The following ANKRD36B variants were observed in gnomAD, a reference collection of about 807,000 sequenced individuals.
The protein encoded by ANKRD36B is ankyrin repeat domain 36B, also known as ankyrin repeat domain-containing protein 36B.
Under a neutral mutation model 135.7 loss-of-function variants are expected in ANKRD36B, and 37 were observed. That is an observed-to-expected ratio of 0.27 (90% confidence interval 0.21 to 0.36). ANKRD36B has a LOEUF of 0.36. ANKRD36B is among the 10% of genes least tolerant of loss of function. The pLI is 1.00. For synonymous variants in ANKRD36B, 179 were observed against 348.1 expected, an observed-to-expected ratio of 0.51 and a Z score of 5.41; for missense variants, 549 against 1,037.1, an observed-to-expected ratio of 0.53 and a Z score of 6.46.
intron 35 of ANKRD36B, among the ~76,000 whole-genome samples, chr2:97,526,182 G>C: frequency 1.0e-5 from 1 of 96,526 alleles, no homozygotes; most frequent in South Asian, 2.3e-4. Context: ...ACCTCACATG[G>C]CTGGGTACTC....
intron 20 of ANKRD36B, 97 bp from the exon 21 acceptor site, chr2:97,547,828 C>T (rs2079623688): frequency 6.7e-7 from 1 of 1,488,698 alleles, no homozygotes; most frequent in African/African-American, 1.4e-5. Context: ...GTCTTCCTGC[C>T]TGTATTAGCA....
intron 6 of ANKRD36B, among the ~76,000 whole-genome samples, chr2:97,574,760 C>G (rs1395067248): frequency 6.6e-6 from 1 of 152,114 alleles, no homozygotes; most frequent in Non-Finnish European, 1.5e-5. Context: ...GATTTCAGTA[C>G]AAACTAAGTA....
rs552546328 is a variant in ANKRD36B at position 97,529,682 on chromosome 2, A to G, written c.2265+2629T>C. ...ATTGTCTCAGCCCAAAATCTCCTTAAGCTGATCAGCAACTTCAGCAAAGTC... is the reference window on the plus strand; with the variant it reads ...ATTGTCTCAGCCCAAAATCTCCTTAGGCTGATCAGCAACTTCAGCAAAGTC... On this transcript the variant is annotated intron_variant, in intron 35 of 43. Transcript: ENST00000359901. 4.5e-4 allele frequency among the ~76,000 whole-genome samples: 43 copies of G among 96,416 alleles called. 17 individuals are homozygous for G. Among genetic ancestry groups the G allele is most frequent in the Non-Finnish European group, 9.1e-4 (33 of 36,086 alleles). 63.3% of individuals were successfully genotyped at this position (96,416 alleles called of 152,430 possible). A position where few individuals can be genotyped will look rare whatever the true frequency, so the allele number is the denominator to read the frequency against.
At chr2:97,580,662 T>C (rs1376584329) in intron 3 of ANKRD36B, 94 bp from the exon 4 acceptor site, 4 of 1,200,434 alleles carry the variant, frequency 3.3e-6, no homozygotes, top group Admixed American at 2.6e-5. Context: ...CTTCAATATA[T>C]ACAATTGAAA....
chr2:97,565,555 A>G (rs1271084415), intron 6 of ANKRD36B, among the ~76,000 whole-genome samples: 1 of 151,926 alleles, frequency 6.6e-6, no homozygotes, highest in Non-Finnish European at 1.5e-5. Context: ...ATGAACAGAC[A>G]CTTCTCAAAA....
At position 97,547,773 on chromosome 2, in the gene ANKRD36B, T is replaced by A. The variant is rs770403793; in HGVS notation, c.1478-42A>T. Reference sequence around the variant, plus strand: ...ATTCATAATCACTCATATGTAAAAATGACAAAATTATCCACACATTCACGC... The same window carrying A: ...ATTCATAATCACTCATATGTAAAAAAGACAAAATTATCCACACATTCACGC... On this transcript the variant is annotated intron_variant, in intron 20 of 43. Coordinates refer to ENST00000359901, the MANE Select transcript of ANKRD36B (RefSeq NM_001393939.1). 96 of 1,542,040 alleles carry A rather than the reference T, an allele frequency of 6.2e-5. No homozygotes were observed. In the East Asian group the frequency reaches 2.3e-3, roughly 37 times the overall value.
At chr2:97,574,233 T>A (rs1227997956) in intron 6 of ANKRD36B, among the ~76,000 whole-genome samples, 1 of 152,044 alleles carries the variant, frequency 6.6e-6, no homozygotes, top group Non-Finnish European at 1.5e-5. Context: ...GCAAAGGATA[T>A]GAACAGACAC....
At chr2:97,559,952 A>G (rs2080872897) in intron 8 of ANKRD36B, among the ~76,000 whole-genome samples, 2 of 151,934 alleles carry the variant, frequency 1.3e-5, no homozygotes, top group Admixed American at 1.3e-4. Context: ...TCTCATTTTT[A>G]TAAGTAAAGT....
At chr2:97,496,819 GTA>G (rs374258635) in intron 43 of ANKRD36B, among the ~76,000 whole-genome samples, 1 of 65,480 alleles carries the variant, frequency 1.5e-5, no homozygotes, top group African/African-American at 6.3e-5. Flanking sequence ...GTGTGTGTAT[GTA>G]TATATGTGTG....
At chr2:97,571,059 T>G (rs2081818495) in intron 6 of ANKRD36B, among the ~76,000 whole-genome samples, 1 of 152,192 alleles carries the variant, frequency 6.6e-6, no homozygotes, top group Non-Finnish European at 1.5e-5. Context: ...CAATCCTATT[T>G]TAACCAGAAT....
At chr2:97,563,574 T>C (rs144192093) in intron 6 of ANKRD36B, among the ~76,000 whole-genome samples, 36 of 152,094 alleles carry the variant, frequency 2.4e-4, no homozygotes, top group African/African-American at 8.2e-4. Context: ...TAAATTGTGA[T>C]CTGAGTAGTT....
chr2:97,550,081 A>G (rs2079900596), intron 18 of ANKRD36B, among the ~76,000 whole-genome samples: 1 of 151,524 alleles, frequency 6.6e-6, no homozygotes, highest in Non-Finnish European at 1.5e-5. Context: ...ACACAATTGC[A>G]ATGATACTTC....
intron 6 of ANKRD36B, among the ~76,000 whole-genome samples, chr2:97,571,848 C>A (rs573218511): frequency 4.0e-4 from 61 of 152,122 alleles, no homozygotes; most frequent in South Asian, 6.2e-4. Context: ...TGTTAAGGGC[C>A]GTTCTTCATA....
Position 97,551,339 on chromosome 2 carries a change from G to C in ANKRD36B, c.1325C>G (p.Ser442Cys). The change falls in exon 18 of 44, where the codon TCT (serine) becomes TGT (cysteine). Residue 442 changes from serine to cysteine, a missense_variant. Coordinates refer to ENST00000359901, the MANE Select transcript of ANKRD36B (RefSeq NM_001393939.1). ...TTTTTCTCTGGTTATATTCGAAAAA[G>C]AATCTTTCTCATCACTTGTGGCCTG... Reference protein sequence around the residue: ...ALKATSDEKDSFSNITREKKD... With the variant: ...ALKATSDEKDCFSNITREKKD... 6.3e-7 allele frequency: 1 copy of C among 1,588,740 alleles called. No homozygotes were observed. The highest frequency in any genetic ancestry group is 8.5e-7 in the Non-Finnish European group (1 of 1,170,276).
chr2:97,569,952 CAG>C (rs1288794660), intron 6 of ANKRD36B, among the ~76,000 whole-genome samples: 1 of 151,882 alleles, frequency 6.6e-6, no homozygotes, highest in East Asian at 1.9e-4. Context: ...TAATTATAAA[CAG>C]AAATTTAACA....
rs1463869203 is a variant in ANKRD36B, at chr2:97,589,785, C to T, written c.-100G>A. The stretch of plus-strand genomic sequence containing the variant: ...AGCTCGCCTTCGGGGATCGCCGCCT[C>T]CGAAGAGCAACAACAGGCAAAGCAG... On this transcript the variant is annotated 5_prime_UTR_variant, in exon 1 of 44. Coordinates refer to ENST00000359901, the MANE Select transcript of ANKRD36B (RefSeq NM_001393939.1). The T allele has an allele frequency of 2.5e-6, 4 of 1,577,250 alleles. No homozygotes were observed. The highest frequency in any genetic ancestry group is 3.5e-6 in the Non-Finnish European group (4 of 1,154,428).
chr2:97,562,836 C>A (rs1244091669), intron 6 of ANKRD36B, among the ~76,000 whole-genome samples: 7 of 152,092 alleles, frequency 4.6e-5, no homozygotes, highest in Middle Eastern at 3.4e-3. Context: ...TCCTTCTTCA[C>A]AAAAGCAGCC....
At chr2:97,527,733 A>C (rs1453596681) in intron 35 of ANKRD36B, among the ~76,000 whole-genome samples, 6 of 95,182 alleles carry the variant, frequency 6.3e-5, no homozygotes, top group African/African-American at 9.4e-5. Flanking sequence ...ATGGAAAACA[A>C]AAAAAGGCAG....
At chr2:97,566,143 C>T (rs1334712297) in intron 6 of ANKRD36B, among the ~76,000 whole-genome samples, 1 of 131,798 alleles carries the variant, frequency 7.6e-6, no homozygotes, top group African/African-American at 2.7e-5. Flanking sequence ...GGTGAAACCC[C>T]ATCTCAACAA....
Sources: gnomAD v4.1 joint callset for allele counts (sites outside exome capture counted in the v4.1 genomes callset) on GRCh38, gnomAD v4.1.1 for gene constraint, MANE v1.5 for transcripts, NCBI Gene and HGNC (gene_info 2026-07-23, HGNC 2026-07-21) for gene names.